Variants in ENPP6 observed in about 807,000 individuals in gnomAD.
ENPP6 encodes the protein ectonucleotide pyrophosphatase/phosphodiesterase 6.
Under a neutral mutation model 42.0 loss-of-function variants are expected in ENPP6, and 32 were observed. That is an observed-to-expected ratio of 0.76 (90% CI 0.58 to 1.02). The LOEUF (loss-of-function observed/expected upper bound fraction) is 1.02, where lower values mean the gene tolerates loss of function less well. Among genes scored for constraint, ENPP6 ranks in the 50% least tolerant of loss-of-function variants. The pLI is 0.00. For missense variants in ENPP6, 552 were observed against 566.8 expected (o/e 0.97, Z 0.27); for synonymous variants, 213 against 216.0 (o/e 0.99, Z 0.12).
At chr4:184,141,426 C>T (rs2111368396) in intron 2 of ENPP6, among the ~76,000 whole-genome samples, 1 of 152,338 alleles carries the variant, frequency 6.6e-6, no homozygotes, top group South Asian at 2.1e-4. Context: ...CCTCAGGGAT[C>T]TGTGGGGAAG....
rs758307900 is a variant in ENPP6 at position 184,097,419 on chromosome 4, G to A, written c.994-51C>T. 12 of 1,605,000 alleles carry A rather than the reference G, an allele frequency of 7.5e-6. No individual in the cohort carries two copies. In the East Asian group the frequency reaches 2.0e-4, roughly 27 times the overall value. ...GACACTACGTCCTGACCGTGGCGCT[G>A]AGCGGGCATCTGCTCCAAGCCGCCA... On this transcript the variant is annotated intron_variant, in intron 6 of 7. Transcript: ENST00000296741.
chr4:184,092,194 G>C (rs750213786), intron 7 of ENPP6, among the ~76,000 whole-genome samples: 1 of 152,058 alleles, frequency 6.6e-6, no homozygotes, highest in East Asian at 1.9e-4. Flanking sequence ...CTGCCCCATC[G>C]AGGTCACAGG....
chr4:184,154,008 A>G (rs1737110824), intron 1 of ENPP6, among the ~76,000 whole-genome samples: 1 of 152,194 alleles, frequency 6.6e-6, no homozygotes. Context: ...CACTGAGGAC[A>G]CTGTGCAGAG....
At chr4:184,130,916 T>C (rs1736595832) in intron 2 of ENPP6, among the ~76,000 whole-genome samples, 1 of 152,222 alleles carries the variant, frequency 6.6e-6, no homozygotes, top group Admixed American at 6.5e-5. Context: ...TTATCTATCC[T>C]AAAGTTGTTG....
rs1735740604 is a variant in ENPP6 at position 184,089,081 on chromosome 4, C to G, written c.*2096G>C. 1 of 152,154 alleles carries G rather than the reference C, an allele frequency of 6.6e-6. No homozygotes were observed. The highest frequency in any genetic ancestry group is 2.4e-5 in the African/African-American group (1 of 41,444). The allele number at this position is 152,154 out of a possible 1,614,324, so 9.4% of individuals were successfully genotyped here. A position where few individuals can be genotyped will look rare whatever the true frequency, so the allele number is the denominator to read the frequency against. On this transcript the variant is annotated 3_prime_UTR_variant, in exon 8 of 8. Coordinates refer to ENST00000296741, the MANE Select transcript of ENPP6 (RefSeq NM_153343.4). Reference sequence around the variant, plus strand: ...ACACCGTCCTTTAAGGAGAAAGAAACTTTGAACAATAGACGTCTTTTTCAA... The same window carrying G: ...ACACCGTCCTTTAAGGAGAAAGAAAGTTTGAACAATAGACGTCTTTTTCAA...
At chr4:184,154,781 A>G (rs985225283) in intron 1 of ENPP6, among the ~76,000 whole-genome samples, 1 of 152,254 alleles carries the variant, frequency 6.6e-6, no homozygotes, top group Non-Finnish European at 1.5e-5. Context: ...CCAAAGCTGT[A>G]GAATTAGTGT....
At chr4:184,118,048 G>C in intron 3 of ENPP6, 148 bp from the exon 4 acceptor site, 1 of 996,888 alleles carries the variant, frequency 1.0e-6, no homozygotes, top group Non-Finnish European at 1.4e-6. Flanking sequence ...AATAAATGAG[G>C]TCAGATCTCC....
At chr4:184,203,332 G>T (rs1366858763) in intron 1 of ENPP6, among the ~76,000 whole-genome samples, 1 of 151,428 alleles carries the variant, frequency 6.6e-6, no homozygotes, top group Non-Finnish European at 1.5e-5. Context: ...AATAGATTAA[G>T]TTTGATCTTT....
chr4:184,115,384 C>G (rs577629572), intron 5 of ENPP6, among the ~76,000 whole-genome samples: 2 of 152,304 alleles, frequency 1.3e-5, no homozygotes, highest in South Asian at 2.1e-4. Flanking sequence ...GCAGAAGGTG[C>G]CACTTGCTCC....
At chr4:184,185,734 G>A (rs1047698371) in intron 1 of ENPP6, among the ~76,000 whole-genome samples, 2 of 152,146 alleles carry the variant, frequency 1.3e-5, no homozygotes, top group Admixed American at 1.3e-4. Context: ...CATCATGAAG[G>A]ACCAAAATAC....
At chr4:184,166,068 A>C (rs966322658) in intron 1 of ENPP6, among the ~76,000 whole-genome samples, 1 of 152,250 alleles carries the variant, frequency 6.6e-6, no homozygotes, top group Non-Finnish European at 1.5e-5. Context: ...TTTGCCTTGC[A>C]GATAACCTCT....
rs745567557 is a variant in ENPP6, at chr4:184,117,028, C to T, written c.683G>A (p.Gly228Asp). Residue 228 changes from glycine (G) to aspartate (D), a missense_variant, in exon 5 of 8, where the codon GGC becomes GAC. This residue lies in a region of ENPP6 where 545 missense variants were observed against 546.3 expected (regional missense o/e 1.00). Transcript: ENST00000296741. Reference protein sequence around the residue: ...KYMTKWIQERGLQDRLNVIIF... With the variant: ...KYMTKWIQERDLQDRLNVIIF... ...AATGACGTTCAGGCGGTCCTGCAGG[C>T]CCCGCTCCTGTGGGGTGGGAAAAGA... 4 of 1,614,080 alleles carry T rather than the reference C, an allele frequency of 2.5e-6. No homozygotes were observed. The South Asian group carries it at 4.4e-5, about 18-fold the overall frequency.
At chr4:184,153,878 A>T in intron 1 of ENPP6, 145 bp from the exon 2 acceptor site, 2 of 964,610 alleles carry the variant, frequency 2.1e-6, no homozygotes, top group Non-Finnish European at 2.9e-6. Flanking sequence ...AAAAAAAATC[A>T]GATTTTTTTT....
intron 6 of ENPP6, 114 bp downstream of exon 6, chr4:184,112,558 G>T: frequency 7.7e-7 from 1 of 1,292,988 alleles, no homozygotes; most frequent in South Asian, 1.6e-5. Flanking sequence ...CGCAACAAAC[G>T]ATGCCTAAGT....
At chr4:184,116,425 G>T (rs1313904999) in intron 5 of ENPP6, among the ~76,000 whole-genome samples, 1 of 152,078 alleles carries the variant, frequency 6.6e-6, no homozygotes, top group Non-Finnish European at 1.5e-5. Context: ...ACACTGCTCT[G>T]TATGTCAGTA....
At chr4:184,143,376 C>T (rs1324749701) in intron 2 of ENPP6, among the ~76,000 whole-genome samples, 1 of 152,250 alleles carries the variant, frequency 6.6e-6, no homozygotes, top group Non-Finnish European at 1.5e-5. Context: ...AGAGCTGAGG[C>T]AAGGCGGGAG....
intron 7 of ENPP6, among the ~76,000 whole-genome samples, chr4:184,094,788 A>G (rs920847481): frequency 3.3e-5 from 5 of 152,234 alleles, no homozygotes; most frequent in Non-Finnish European, 7.3e-5. Flanking sequence ...CTGCTGTCTT[A>G]TCTCAAACGT....
intron 1 of ENPP6, among the ~76,000 whole-genome samples, chr4:184,187,109 G>A (rs939106826): frequency 6.6e-6 from 1 of 152,196 alleles, no homozygotes; most frequent in Non-Finnish European, 1.5e-5. Flanking sequence ...TCTCCCATTT[G>A]TAAGGTCTGG....
At chr4:184,157,556 T>C (rs904566659) in intron 1 of ENPP6, among the ~76,000 whole-genome samples, 3 of 148,522 alleles carry the variant, frequency 2.0e-5, no homozygotes, top group African/African-American at 7.6e-5. Context: ...TTCCTTTCTC[T>C]CTTTCTTTCC....
Sources: allele counts gnomAD v4.1 joint callset (sites outside exome capture counted in the v4.1 genomes callset), GRCh38; gene constraint gnomAD v4.1.1; regional missense constraint gnomAD v4.1.1; transcripts MANE v1.5; gene names NCBI Gene and HGNC (gene_info 2026-07-23, HGNC 2026-07-21).